Variants in SPI1 observed in about 807,000 individuals in gnomAD.
SPI1 encodes Spi-1 proto-oncogene.
Under a neutral mutation model 30.7 loss-of-function variants are expected in SPI1, and 3 were observed. The ratio of observed to expected loss-of-function variants is 0.10; its 90% CI spans 0.04 to 0.25. The LOEUF is 0.25. Ranked by LOEUF, SPI1 falls within the 10% of genes least tolerant of loss-of-function variation. The pLI is 1.00. For missense variants in SPI1, 261 were observed against 371.5 expected, an observed-to-expected ratio of 0.70 and a Z score of 2.45; for synonymous variants, 169 against 157.1, an observed-to-expected ratio of 1.08 and a Z score of -0.56.
Position 47,359,833 on chromosome 11 carries a change from G to A in SPI1, c.330+20C>T. On this transcript the variant is annotated intron_variant, in intron 3 of 4. Coordinates refer to ENST00000378538, the MANE Select transcript of SPI1 (RefSeq NM_003120.3). This position sits in a 1 kb window ranked among gnomAD's most constrained non-coding sequence, Gnocchi z 5.1. ...AGGCCTGGCAGTCTCCTGGGGGACG[G>A]GGCAGGCGGTGGCATGCACCTGGTG... 6.2e-7 allele frequency: 1 copy of A among 1,600,710 alleles called. No individual in the cohort carries two copies. The highest frequency in any genetic ancestry group is 8.5e-7 in the Non-Finnish European group (1 of 1,179,350).
At chr11:47,362,102 G>C (rs1489531560) in intron 2 of SPI1, among the ~76,000 whole-genome samples, 3 of 152,122 alleles carry the variant, frequency 2.0e-5, no homozygotes, top group African/African-American at 7.2e-5. Context: ...CCAAGCCTGT[G>C]TCCTCATCTG....
chr11:47,363,784 G>A (rs1369133518), intron 2 of SPI1, among the ~76,000 whole-genome samples: 1 of 151,396 alleles, frequency 6.6e-6, no homozygotes, highest in Non-Finnish European at 1.5e-5. Flanking sequence ...CCAACATAGT[G>A]AAACCCCGTC....
At chr11:47,356,088 T>C (rs1261957011) in intron 4 of SPI1, among the ~76,000 whole-genome samples, 1 of 149,388 alleles carries the variant, frequency 6.7e-6, no homozygotes, top group Non-Finnish European at 1.5e-5. Flanking sequence ...CACACATGCT[T>C]GTGCAATGCA....
At chr11:47,358,393 C>T (rs928052598) in intron 4 of SPI1, 19 of 618,554 alleles carry the variant, frequency 3.1e-5, no homozygotes, top group South Asian at 1.6e-4. Flanking sequence ...TGACATCATA[C>T]GTGCACAGCT....
intron 2 of SPI1, among the ~76,000 whole-genome samples, chr11:47,372,661 G>A (rs987382059): frequency 2.0e-5 from 3 of 152,098 alleles, no homozygotes; most frequent in Non-Finnish European, 2.9e-5. Flanking sequence ...AAATAACCCA[G>A]TTGGTCTCTC....
intron 4 of SPI1, among the ~76,000 whole-genome samples, chr11:47,357,866 A>G (rs2095913983): frequency 6.6e-6 from 1 of 151,444 alleles, no homozygotes; most frequent in African/African-American, 2.4e-5. Flanking sequence ...CGCCCGGCCC[A>G]CTCACACCCA....
At chr11:47,358,249 T>G in intron 4 of SPI1, 1 of 412,838 alleles carries the variant, frequency 2.4e-6, no homozygotes, top group Non-Finnish European at 4.5e-6. Flanking sequence ...TTCACACATA[T>G]ACACTTGCTC....
intron 4 of SPI1, chr11:47,358,638 GGA>G (rs1349253662): frequency 4.2e-6 from 3 of 708,512 alleles, no homozygotes; most frequent in Non-Finnish European, 7.7e-6. Flanking sequence ...CACACTTCAT[GGA>G]GATGCCCGTA....
chr11:47,364,336 C>A (rs1246633911), intron 2 of SPI1, among the ~76,000 whole-genome samples: 1 of 152,092 alleles, frequency 6.6e-6, no homozygotes, highest in African/African-American at 2.4e-5. Context: ...AGGCGTCTGG[C>A]CTTAATTTGC....
intron 4 of SPI1, among the ~76,000 whole-genome samples, chr11:47,357,809 G>A (rs1216096750): frequency 6.6e-6 from 1 of 151,964 alleles, no homozygotes; most frequent in Non-Finnish European, 1.5e-5. Context: ...CAGGTGATCC[G>A]CCTGCCTCAG....
intron 2 of SPI1, among the ~76,000 whole-genome samples, chr11:47,368,546 A>G (rs1054515549): frequency 1.3e-5 from 2 of 152,244 alleles, no homozygotes; most frequent in Non-Finnish European, 2.9e-5. Flanking sequence ...CACATGCGCA[A>G]AACGTGGCGC....
intron 2 of SPI1, among the ~76,000 whole-genome samples, chr11:47,373,721 C>T (rs1046397668): frequency 2.6e-5 from 4 of 151,966 alleles, no homozygotes; most frequent in African/African-American, 9.7e-5. Flanking sequence ...GAGCCAAGGC[C>T]GAGGACACCT....
intron 4 of SPI1, among the ~76,000 whole-genome samples, chr11:47,357,483 A>T (rs1385501072): frequency 6.6e-6 from 1 of 151,740 alleles, no homozygotes; most frequent in Non-Finnish European, 1.5e-5. Context: ...TCAAATGCTC[A>T]CACACATTCT....
Position 47,359,111 on chromosome 11 carries a change from G to T in SPI1, c.331-105C>A. On this transcript the variant is annotated intron_variant, in intron 3 of 4. Transcript: ENST00000378538. The surrounding 1 kb of genome is among the most constrained non-coding windows in gnomAD (Gnocchi z 5.1). ...GAGAGAAGGAGTGCAGAGGGCAGGGGACAATGGCAGGCACAGGAGACTGGA... is the reference window on the plus strand; with the variant it reads ...GAGAGAAGGAGTGCAGAGGGCAGGGTACAATGGCAGGCACAGGAGACTGGA... 6.6e-6 allele frequency: 7 copies of T among 1,054,834 alleles called. No individual in the cohort carries two copies. Among genetic ancestry groups the T allele is most frequent in the Non-Finnish European group, 9.4e-6 (7 of 742,826 alleles). 65.3% of individuals were successfully genotyped at this position (1,054,834 alleles called of 1,614,324 possible). A position where few individuals can be genotyped will look rare whatever the true frequency, so the allele number is the denominator to read the frequency against.
In SPI1 at chr11:47,355,026, G is replaced by A; in HGVS notation, c.*201C>T. 1 of 364,026 alleles carries A rather than the reference G, an allele frequency of 2.7e-6. No individual in the cohort carries two copies. Among genetic ancestry groups the A allele is most frequent in the Non-Finnish European group, 4.7e-6 (1 of 211,270 alleles). 22.5% of individuals were successfully genotyped at this position (364,026 alleles called of 1,614,324 possible). A position where few individuals can be genotyped will look rare whatever the true frequency, so the allele number is the denominator to read the frequency against. On this transcript the variant is annotated 3_prime_UTR_variant, in exon 5 of 5. Transcript: ENST00000378538. ...TCTGACGCCCAGCTGGCGTCCGGGA[G>A]CCGGGGTGGAGTCCTGGAGGGAGGC...
intron 2 of SPI1, among the ~76,000 whole-genome samples, chr11:47,363,758 T>G (rs1171933716): frequency 6.6e-6 from 1 of 150,924 alleles, no homozygotes. Context: ...AGGTCAGGAG[T>G]TTGAGACCAG....
At position 47,375,717 on chromosome 11, in the gene SPI1, G is replaced by A. The variant is rs1259383767; in HGVS notation, c.58C>T (p.Leu20=). 6.2e-7 allele frequency: 1 copy of A among 1,613,746 alleles called. No individual in the cohort carries two copies. The highest frequency in any genetic ancestry group is 1.7e-5 in the Admixed American group (1 of 60,016). Residue 20 remains leucine (L), a synonymous_variant, in exon 2 of 5, where the codon CTG becomes TTG. Transcript: ENST00000378538. This position sits in a 1 kb window ranked among gnomAD's most constrained non-coding sequence, Gnocchi z 4.2. ...FPLVPPPSED[L]VPYDTDLYQR... ...TATAGATCCGTGTCATAGGGCACCA[G>A]GTCTTCTGATGGCTGCTGAGAGAGG...
At position 47,359,089 on chromosome 11, in the gene SPI1, A is replaced by G; in HGVS notation, c.331-83T>C. The G allele has an allele frequency of 7.5e-7, 1 of 1,337,762 alleles. No individual in the cohort carries two copies. Among genetic ancestry groups the G allele is most frequent in the South Asian group, 1.5e-5 (1 of 67,164 alleles). The allele number at this position is 1,337,762 out of a possible 1,614,324, so 82.9% of individuals were successfully genotyped here. On this transcript the variant is annotated intron_variant, in intron 3 of 4. Coordinates refer to ENST00000378538, the MANE Select transcript of SPI1 (RefSeq NM_003120.3). This position sits in a 1 kb window ranked among gnomAD's most constrained non-coding sequence, Gnocchi z 5.1. The stretch of plus-strand genomic sequence containing the variant: ...GCTGGGAGGGAGGTCAGCTGGGGAG[A>G]GAAGGAGTGCAGAGGGCAGGGGACA...
chr11:47,355,550 C>G lies in SPI1; in HGVS notation c.494-4G>C, dbSNP rs972028698. On this transcript the variant is annotated splice_region_variant and splice_polypyrimidine_tract_variant and intron_variant, in intron 4 of 4. Transcript: ENST00000378538. ...AGGCGGATCTTCTTCTTGCTGCCTG[C>G]GGGGGGGAGGGCCCGGTGGGAGGGG... The G allele has an allele frequency of 3.6e-6, 5 of 1,399,190 alleles. No individual in the cohort carries two copies. Among genetic ancestry groups the G allele is most frequent in the Non-Finnish European group, 2.9e-6 (3 of 1,050,528 alleles). The allele number at this position is 1,399,190 out of a possible 1,614,324, so 86.7% of individuals were successfully genotyped here. A position where few individuals can be genotyped will look rare whatever the true frequency, so the allele number is the denominator to read the frequency against.
Sources: gnomAD v4.1 joint callset for allele counts (sites outside exome capture counted in the v4.1 genomes callset) on GRCh38, gnomAD v4.1.1 for gene constraint, Gnocchi (gnomAD v3.1) non-coding constraint, MANE v1.5 for transcripts, NCBI Gene and HGNC (gene_info 2026-07-23, HGNC 2026-07-21) for gene names.